The following RGS6 variants were observed in gnomAD, a reference collection of about 807,000 sequenced individuals.
RGS6 encodes regulator of G protein signaling 6.
RGS6 carries 30 observed loss-of-function variants against 78.5 expected under a neutral mutation model. The observed-to-expected ratio is 0.38, with a 90% CI of 0.29 to 0.52. The LOEUF (loss-of-function observed/expected upper bound fraction) is 0.52. Ranked by LOEUF, RGS6 falls within the 20% of genes least tolerant of loss-of-function variation. RGS6 has a pLI of 0.85. For missense variants in RGS6, 495 were observed against 609.7 expected, an observed-to-expected ratio of 0.81 and a Z score of 1.98; for synonymous variants, 206 against 206.0, an observed-to-expected ratio of 1.00 and a Z score of 0.00.
the RGS6 span, among the ~76,000 whole-genome samples, chr14:72,614,751 T>C: frequency 7.8e-6 from 1 of 127,638 alleles, no homozygotes; most frequent in Admixed American, 8.8e-5. Context: ...ATAATAATAA[T>C]CTGTTGCCCA....
intron 2 of RGS6, among the ~76,000 whole-genome samples, chr14:72,175,269 G>A (rs980778722): frequency 6.6e-6 from 1 of 152,152 alleles, no homozygotes; most frequent in African/African-American, 2.4e-5. Context: ...TTCTGGTTAA[G>A]TATTCTAGCA....
chr14:72,226,987 A>G (rs190912913), intron 2 of RGS6, among the ~76,000 whole-genome samples: 1 of 152,150 alleles, frequency 6.6e-6, no homozygotes, highest in South Asian at 2.1e-4. Context: ...GTACCCATGC[A>G]TGCTGTTGAG....
intron 3 of RGS6, chr14:72,421,216 T>A (rs1329881377): frequency 6.7e-6 from 1 of 148,744 alleles, no homozygotes; most frequent in Non-Finnish European, 1.5e-5. Flanking sequence ...AAATGTGGGG[T>A]GAGGGGAAGG....
chr14:72,132,665 C>T (rs1567274870), intron 2 of RGS6, among the ~76,000 whole-genome samples: 1 of 151,968 alleles, frequency 6.6e-6, no homozygotes, highest in East Asian at 1.9e-4. Context: ...TTTTTTTAAA[C>T]GGATAATTAG....
At chr14:72,115,765 T>G (rs2095872196) in intron 2 of RGS6, among the ~76,000 whole-genome samples, 1 of 152,228 alleles carries the variant, frequency 6.6e-6, no homozygotes, top group Admixed American at 6.5e-5. Flanking sequence ...AACCCAGAAC[T>G]GTGCAGGAGA....
chr14:72,620,031 C>T, the RGS6 span: 16 of 1,487,268 alleles, frequency 1.1e-5, no homozygotes, highest in African/African-American at 2.8e-5. Context: ...TTCCATTATT[C>T]GGGGCCAATG....
intron 2 of RGS6, among the ~76,000 whole-genome samples, chr14:72,100,781 A>G (rs2095512725): frequency 1.3e-5 from 2 of 152,140 alleles, no homozygotes; most frequent in Non-Finnish European, 2.9e-5. Flanking sequence ...ATCCCCTCCT[A>G]CCATTTATCT....
At chr14:72,599,393 C>CT in the RGS6 span, among the ~76,000 whole-genome samples, 267 of 78,060 alleles carry the variant, frequency 3.4e-3, 19 homozygotes, top group African/African-American at 8.1e-3. Context: ...CTTTTCTTTC[C>CT]TTTTTTTTTT....
the RGS6 span, among the ~76,000 whole-genome samples, chr14:71,882,649 CA>C: frequency 6.6e-6 from 1 of 152,158 alleles, no homozygotes; most frequent in Admixed American, 6.5e-5. Flanking sequence ...GATAGCATTA[CA>C]ATGGTTCTTG....
At chr14:72,327,253 G>C (rs551687342) in intron 2 of RGS6, among the ~76,000 whole-genome samples, 1 of 152,012 alleles carries the variant, frequency 6.6e-6, no homozygotes, top group African/African-American at 2.4e-5. Flanking sequence ...CCAGCTTTGT[G>C]ACCTAGAGCA....
chr14:71,988,475 A>G (rs752655940), intron 2 of RGS6, among the ~76,000 whole-genome samples: 1 of 152,178 alleles, frequency 6.6e-6, no homozygotes, highest in Non-Finnish European at 1.5e-5. Flanking sequence ...ACATGTGAAC[A>G]TTATGTGAAA....
At chr14:72,536,122 T>A in intron 15 of RGS6, 64 bp from the exon 16 acceptor site, 1 of 1,197,856 alleles carries the variant, frequency 8.3e-7, no homozygotes, top group South Asian at 1.2e-5. Context: ...TCAATTGGAT[T>A]GTAATATTCT....
chr14:72,187,690 C>T (rs1357565081), intron 2 of RGS6, among the ~76,000 whole-genome samples: 1 of 152,146 alleles, frequency 6.6e-6, no homozygotes, highest in Admixed American at 6.5e-5. Flanking sequence ...TCTCTCCTCC[C>T]CTCCCTTCCC....
rs867167966 is a variant in RGS6, at chr14:72,295,159, C to T, written c.85-56936C>T. On this transcript the variant is annotated intron_variant, in intron 2 of 17. Transcript: ENST00000553525. ...ACAAAAAATTAGCCGGGCGTAGTGG[C>T]GGGCGCCTGTAGTCCCAGCTACTTG... 7.6e-4 allele frequency among the ~76,000 whole-genome samples: 115 copies of T among 150,790 alleles called. 1 individual carries two copies. In the Middle Eastern group the frequency reaches 0.01, roughly 13 times the overall value.
intron 2 of RGS6, among the ~76,000 whole-genome samples, chr14:72,183,026 G>T (rs1031209598): frequency 6.6e-6 from 1 of 152,180 alleles, no homozygotes; most frequent in Non-Finnish European, 1.5e-5. Context: ...AGAAACATTT[G>T]ATAGAGACCA....
At position 72,295,285 on chromosome 14, in the gene RGS6, C is replaced by T. The variant is rs1228656888; in HGVS notation, c.85-56810C>T. Among the ~76,000 whole-genome samples the T allele has an allele frequency of 7.1e-5, 10 of 141,306 alleles. No homozygotes were observed. The South Asian group carries it at 8.8e-4, about 12-fold the overall frequency. The allele number at this position is 141,306 out of a possible 152,430, so 92.7% of individuals were successfully genotyped here. A position where few individuals can be genotyped will look rare whatever the true frequency, so the allele number is the denominator to read the frequency against. On this transcript the variant is annotated intron_variant, in intron 2 of 17. Transcript: ENST00000553525. ...CAGCCTGGGCGACAGAGCGAGACTC[C>T]GTCTCAAAAAAAAAAAAAAAAGAAC...
At chr14:72,427,912 G>A (rs1726615435) in intron 3 of RGS6, among the ~76,000 whole-genome samples, 2 of 152,142 alleles carry the variant, frequency 1.3e-5, no homozygotes, top group South Asian at 4.1e-4. Context: ...GAGAAAGGAG[G>A]AATGTCGTGA....
upstream of RGS6, among the ~76,000 whole-genome samples, chr14:71,927,885 C>G (rs2087740821): frequency 6.6e-6 from 1 of 152,146 alleles, no homozygotes; most frequent in South Asian, 2.1e-4. Context: ...GTCTCGATCT[C>G]CTGACCTCGT....
intron 17 of RGS6, among the ~76,000 whole-genome samples, chr14:72,557,389 C>A (rs922902223): frequency 8.5e-5 from 13 of 152,194 alleles, no homozygotes; most frequent in Non-Finnish European, 1.3e-4. Context: ...AAAATCATTT[C>A]TTTTGCTTTG....
Sources: gnomAD v4.1 joint callset for allele counts (sites outside exome capture counted in the v4.1 genomes callset) on GRCh38, gnomAD v4.1.1 for gene constraint, MANE v1.5 for transcripts, NCBI Gene and HGNC (gene_info 2026-07-23, HGNC 2026-07-21) for gene names.